The following WDPCP variants were observed in gnomAD, a reference collection of about 807,000 sequenced individuals.
WDPCP encodes WD repeat containing planar cell polarity effector.
WDPCP carries 71 observed loss-of-function variants against 93.1 expected under a neutral mutation model. That is an observed-to-expected ratio of 0.76 (90% confidence interval 0.63 to 0.93). WDPCP has a LOEUF of 0.93. WDPCP is among the 40% of genes least tolerant of loss of function. The pLI is 0.00. For missense variants in WDPCP, 844 were observed against 887.4 expected (o/e 0.95, Z 0.62); for synonymous variants, 315 against 315.0 (o/e 1.00, Z 0.00).
At chr2:63,513,131 A>G (rs1319946763) in intron 1 of WDPCP, among the ~76,000 whole-genome samples, 1 of 152,150 alleles carries the variant, frequency 6.6e-6, no homozygotes, top group African/African-American at 2.4e-5. Context: ...CTTAAAGAAG[A>G]CTTACACTTC....
intron 13 of WDPCP, among the ~76,000 whole-genome samples, chr2:63,282,561 CAGAA>C (rs537607272): frequency 1.7e-3 from 256 of 152,136 alleles, no homozygotes; most frequent in Non-Finnish European, 3.1e-3. Context: ...ATAGAGAACT[CAGAA>C]AGAAATCTAC....
chr2:63,585,282 C>T (rs1302767216), intron 1 of WDPCP, among the ~76,000 whole-genome samples: 1 of 152,134 alleles, frequency 6.6e-6, no homozygotes, highest in Non-Finnish European at 1.5e-5. Context: ...ACTACATATT[C>T]ATTTTAAGAA....
intron 3 of WDPCP, among the ~76,000 whole-genome samples, chr2:63,612,840 C>T (rs538828714): frequency 1.3e-5 from 2 of 151,798 alleles, no homozygotes; most frequent in African/African-American, 2.4e-5. Flanking sequence ...TTCCAGGGCC[C>T]GAGATGGAGG....
At chr2:63,346,451 TC>T (rs1168820083) in intron 12 of WDPCP, among the ~76,000 whole-genome samples, 41 of 152,158 alleles carry the variant, frequency 2.7e-4, no homozygotes, top group Non-Finnish European at 1.5e-4. Flanking sequence ...CTGACTTCAT[TC>T]AACAAAATAG....
intron 13 of WDPCP, among the ~76,000 whole-genome samples, chr2:63,303,357 G>A (rs1182247224): frequency 6.6e-6 from 1 of 152,186 alleles, no homozygotes; most frequent in African/African-American, 2.4e-5. Flanking sequence ...CTGCTCTGGT[G>A]TGGTAGGACG....
rs201051851 is a variant in WDPCP, at chr2:63,153,582, A to G, written c.2079-8T>C. On this transcript the variant is annotated splice_region_variant and splice_polypyrimidine_tract_variant and intron_variant, in intron 15 of 17. Transcript: ENST00000272321. ...CTTCTGTCAATTATTTGTCTGCAGT[A>G]TATGGGTGTTTTTAATTGGAAAAAG... 8 of 1,604,340 alleles carry G rather than the reference A, an allele frequency of 5.0e-6. No homozygotes were observed. The highest frequency in any genetic ancestry group is 6.8e-6 in the Non-Finnish European group (8 of 1,174,694).
At chr2:63,335,177 C>T (rs1688263464) in intron 12 of WDPCP, among the ~76,000 whole-genome samples, 1 of 152,174 alleles carries the variant, frequency 6.6e-6, no homozygotes, top group Non-Finnish European at 1.5e-5. Flanking sequence ...TGCCTCTTAT[C>T]TACCCATGCC....
chr2:63,358,631 A>G (rs1456931639), intron 12 of WDPCP, among the ~76,000 whole-genome samples: 2 of 151,982 alleles, frequency 1.3e-5, no homozygotes, highest in Non-Finnish European at 1.5e-5. Flanking sequence ...TAATTATTTT[A>G]TTTTTTGTAG....
chr2:63,406,827 G>T (rs1279289992), intron 9 of WDPCP, among the ~76,000 whole-genome samples: 2 of 152,286 alleles, frequency 1.3e-5, no homozygotes, highest in South Asian at 2.1e-4. Context: ...TCACATGAGG[G>T]TCTTATGATC....
intron 2 of WDPCP, among the ~76,000 whole-genome samples, chr2:63,811,625 A>G (rs1353567828): frequency 6.9e-6 from 1 of 145,938 alleles, no homozygotes; most frequent in Non-Finnish European, 1.5e-5. Context: ...ATTTTATTTT[A>G]GAGTCAGGGA....
At chr2:63,809,875 C>G (rs1422513252) in intron 2 of WDPCP, among the ~76,000 whole-genome samples, 1 of 151,630 alleles carries the variant, frequency 6.6e-6, no homozygotes, top group African/African-American at 2.4e-5. Flanking sequence ...CCTGCCAAAT[C>G]CCCCTCTGTG....
chr2:63,820,203 T>C (rs1303500131), intron 1 of WDPCP, among the ~76,000 whole-genome samples: 1 of 152,218 alleles, frequency 6.6e-6, no homozygotes. Context: ...GTACATGAGA[T>C]GAACAGGTTT....
intron 2 of WDPCP, among the ~76,000 whole-genome samples, chr2:63,720,195 T>C (rs1273111559): frequency 1.3e-5 from 2 of 151,930 alleles, no homozygotes; most frequent in Non-Finnish European, 2.9e-5. Flanking sequence ...GGCGGGTGGA[T>C]TGCCTGAGCT....
intron 17 of WDPCP, among the ~76,000 whole-genome samples, chr2:63,150,923 T>C (rs62180315): frequency 0.31 from 47,530 of 152,152 alleles, 8,922 homozygotes; most frequent in Non-Finnish European, 0.41. Flanking sequence ...TGTTATAATC[T>C]GTATCTTATC....
intron 6 of WDPCP, among the ~76,000 whole-genome samples, chr2:63,449,751 G>T (rs560425351): frequency 6.6e-6 from 1 of 152,094 alleles, no homozygotes; most frequent in Non-Finnish European, 1.5e-5. Flanking sequence ...CAGAAAACTT[G>T]TACTGGGTCA....
At chr2:63,390,864 C>G (rs1346800309) in intron 10 of WDPCP, among the ~76,000 whole-genome samples, 1 of 152,158 alleles carries the variant, frequency 6.6e-6, no homozygotes, top group Admixed American at 6.6e-5. Flanking sequence ...TCTGAATAAA[C>G]CAATAACAGG....
intron 13 of WDPCP, among the ~76,000 whole-genome samples, chr2:63,276,476 A>G (rs1683097406): frequency 6.6e-6 from 1 of 152,214 alleles, no homozygotes; most frequent in Non-Finnish European, 1.5e-5. Context: ...AATAAAAAAC[A>G]TGACACAGGG....
intron 3 of WDPCP, chr2:63,606,748 C>A: frequency 1.1e-5 from 6 of 570,892 alleles, no homozygotes; most frequent in South Asian, 5.1e-5. Flanking sequence ...TTTTTATTTA[C>A]TTTAGAATCA....
intron 13 of WDPCP, among the ~76,000 whole-genome samples, chr2:63,297,002 A>G (rs1007226122): frequency 6.6e-6 from 1 of 152,216 alleles, no homozygotes; most frequent in African/African-American, 2.4e-5. Flanking sequence ...AAGGAAAAAG[A>G]ATGAAGCTGA....
Sources: gnomAD v4.1 joint callset for allele counts (sites outside exome capture counted in the v4.1 genomes callset) on GRCh38, gnomAD v4.1.1 for gene constraint, MANE v1.5 for transcripts, NCBI Gene and HGNC (gene_info 2026-07-23, HGNC 2026-07-21) for gene names.